Variants in RBMS3 observed in about 807,000 individuals in gnomAD.
The protein encoded by RBMS3 is RNA-binding motif, single-stranded-interacting protein 3.
RBMS3 carries 27 observed loss-of-function variants against 66.8 expected under a neutral mutation model. The observed-to-expected ratio is 0.40, with a 90% CI of 0.30 to 0.56. The LOEUF is 0.56. RBMS3 is among the 20% of genes least tolerant of loss of function. The pLI is 0.40. For synonymous variants in RBMS3, 188 were observed against 183.0 expected (o/e 1.03, Z -0.22); for missense variants, 513 against 549.5 (o/e 0.93, Z 0.66).
intron 1 of RBMS3, among the ~76,000 whole-genome samples, chr3:29,306,050 T>C (rs2033987311): frequency 6.6e-6 from 1 of 151,954 alleles, no homozygotes; most frequent in Admixed American, 6.6e-5. Context: ...CCCATGCCCA[T>C]CTGTTGCTTG....
At chr3:29,613,407 A>G (rs1402839057) in intron 4 of RBMS3, among the ~76,000 whole-genome samples, 1 of 152,036 alleles carries the variant, frequency 6.6e-6, no homozygotes, top group Non-Finnish European at 1.5e-5. Flanking sequence ...ATGGACCCTC[A>G]TGTTCATTTT....
chr3:29,725,298 C>T (rs767869247), intron 4 of RBMS3, among the ~76,000 whole-genome samples: 1 of 152,096 alleles, frequency 6.6e-6, no homozygotes, highest in Non-Finnish European at 1.5e-5. Flanking sequence ...TTCTTTCTAA[C>T]TTACGAGTTT....
In RBMS3 at chr3:29,341,425, G is replaced by A. The variant is rs1266701832; in HGVS notation, c.75+59669G>A. ...ATTTGTATTAATTCTAAAATCCGTG[G>A]TCTTTCCATACCACTCTGCCATCTC... On this transcript the variant is annotated intron_variant, in intron 1 of 14. Transcript: ENST00000383767. Among the ~76,000 whole-genome samples, 2 of 151,920 alleles carry A rather than the reference G, an allele frequency of 1.3e-5. 1 individual carries two copies. Among genetic ancestry groups the A allele is most frequent in the Admixed American group, 1.3e-4 (2 of 15,214 alleles).
intron 4 of RBMS3, among the ~76,000 whole-genome samples, chr3:29,686,151 C>T (rs77841563): frequency 0.039 from 5,977 of 152,146 alleles, 378 homozygotes; most frequent in African/African-American, 0.13. Context: ...CTCTGGCCAA[C>T]GTAGGCTAAC....
chr3:29,509,355 G>T (rs901366643), intron 3 of RBMS3, among the ~76,000 whole-genome samples: 1 of 152,046 alleles, frequency 6.6e-6, no homozygotes, highest in Admixed American at 6.6e-5. Flanking sequence ...TACTAATAAT[G>T]ACTAATATAT....
At chr3:29,951,371 A>T (rs2149715650) in intron 12 of RBMS3, among the ~76,000 whole-genome samples, 1 of 151,946 alleles carries the variant, frequency 6.6e-6, no homozygotes, top group South Asian at 2.1e-4. Context: ...TAGAATTCAC[A>T]GGATGTATGT....
At chr3:29,298,475 G>T (rs1575492636) in intron 1 of RBMS3, among the ~76,000 whole-genome samples, 1 of 151,894 alleles carries the variant, frequency 6.6e-6, no homozygotes, top group African/African-American at 2.4e-5. Context: ...ACTTACCTTT[G>T]CTTCCCTTAT....
intron 4 of RBMS3, among the ~76,000 whole-genome samples, chr3:29,691,951 T>TCTC (rs2052041085): frequency 1.9e-4 from 9 of 47,984 alleles, no homozygotes; most frequent in Admixed American, 1.4e-3. Context: ...CTCTCTCTAT[T>TCTC]TTTTTTTTTT....
At chr3:29,905,710 T>C (rs974554686) in intron 10 of RBMS3, among the ~76,000 whole-genome samples, 10 of 152,088 alleles carry the variant, frequency 6.6e-5, no homozygotes, top group Non-Finnish European at 1.3e-4. Flanking sequence ...AAAATTGTCT[T>C]AGGCCACACA....
At chr3:29,606,271 T>G (rs2048319115) in intron 4 of RBMS3, among the ~76,000 whole-genome samples, 1 of 151,960 alleles carries the variant, frequency 6.6e-6, no homozygotes, top group African/African-American at 2.4e-5. Flanking sequence ...AAGACCCTAT[T>G]ATTTGGAACC....
At chr3:29,611,429 C>G (rs868034376) in intron 4 of RBMS3, among the ~76,000 whole-genome samples, 1 of 151,986 alleles carries the variant, frequency 6.6e-6, no homozygotes, top group African/African-American at 2.4e-5. Flanking sequence ...CGGCTGTATT[C>G]TGCTCACAGT....
At chr3:29,547,755 C>G (rs1467006992) in intron 3 of RBMS3, among the ~76,000 whole-genome samples, 2 of 150,582 alleles carry the variant, frequency 1.3e-5, no homozygotes, top group African/African-American at 4.9e-5. Flanking sequence ...CTGCTAGGAG[C>G]AGAGTCAGGT....
intron 1 of RBMS3, among the ~76,000 whole-genome samples, chr3:29,379,046 A>C (rs2038633677): frequency 1.3e-5 from 2 of 152,202 alleles, no homozygotes; most frequent in African/African-American, 2.4e-5. Context: ...CAATCTCTGG[A>C]TCTTCCATGG....
At chr3:29,825,491 G>A (rs1181270360) in intron 6 of RBMS3, among the ~76,000 whole-genome samples, 1 of 152,044 alleles carries the variant, frequency 6.6e-6, no homozygotes, top group Non-Finnish European at 1.5e-5. Context: ...TATGGGGGTG[G>A]GTTTTCCCAT....
intron 6 of RBMS3, among the ~76,000 whole-genome samples, chr3:29,812,972 A>T (rs1324383103): frequency 6.6e-6 from 1 of 152,050 alleles, no homozygotes; most frequent in Non-Finnish European, 1.5e-5. Flanking sequence ...AATATTATAT[A>T]TTATATATTG....
Position 29,971,434 on chromosome 3 carries a change from ATATGT to A in RBMS3, c.1099-16706_1099-16702del, listed in dbSNP as rs1697220620. On this transcript the variant is annotated intron_variant, in intron 12 of 14. Coordinates refer to ENST00000383767, the MANE Select transcript of RBMS3 (RefSeq NM_001003793.3). ...ATAAGTGGCTCCAGTTTCTTCTCAA[ATATGT>A]TAGGTATAGGGGAATTTTTTTACTG... Among the ~76,000 whole-genome samples, 4 of 152,000 alleles carry A rather than the reference ATATGT, an allele frequency of 2.6e-5. No homozygotes were observed. In the South Asian group the frequency reaches 8.3e-4, roughly 32 times the overall value.
At chr3:29,598,645 C>A (rs969338233) in intron 4 of RBMS3, among the ~76,000 whole-genome samples, 1 of 152,024 alleles carries the variant, frequency 6.6e-6, no homozygotes, top group African/African-American at 2.4e-5. Flanking sequence ...ATATTGCATT[C>A]ATTCCTGCTG....
intron 3 of RBMS3, among the ~76,000 whole-genome samples, chr3:29,518,074 C>T (rs2044712515): frequency 1.3e-5 from 2 of 152,066 alleles, no homozygotes; most frequent in African/African-American, 2.4e-5. Flanking sequence ...TTAGATAATC[C>T]TTACCTCTTA....
intron 1 of RBMS3, among the ~76,000 whole-genome samples, chr3:29,301,966 C>T (rs1392809932): frequency 6.6e-6 from 1 of 151,914 alleles, no homozygotes; most frequent in African/African-American, 2.4e-5. Flanking sequence ...CGCTTTTTCA[C>T]ACAAAGACAT....
Sources: gnomAD v4.1 joint callset for allele counts (sites outside exome capture counted in the v4.1 genomes callset) on GRCh38, gnomAD v4.1.1 for gene constraint, MANE v1.5 for transcripts, NCBI Gene and HGNC (gene_info 2026-07-23, HGNC 2026-07-21) for gene names.